VPS13B: variants seen among roughly 807,000 people sequenced by gnomAD.
The protein encoded by VPS13B is vacuolar protein sorting 13 homolog B.
A neutral mutation model predicts 426.4 loss-of-function variants in VPS13B; 285 were observed. That is an observed-to-expected ratio of 0.67 (90% CI 0.61 to 0.74). The LOEUF is 0.74. Among genes scored for constraint, VPS13B ranks in the 30% least tolerant of loss-of-function variants. The pLI is 0.00. For synonymous variants in VPS13B, 1,676 were observed against 1,676.4 expected (o/e 1.00, Z 0.01); for missense variants, 4,537 against 4,782.6 (o/e 0.95, Z 1.51).
chr8:99,335,137 A>C (rs1196875009), intron 19 of VPS13B, among the ~76,000 whole-genome samples: 2 of 151,972 alleles, frequency 1.3e-5, no homozygotes, highest in African/African-American at 4.8e-5. Flanking sequence ...TTTCTAGTTT[A>C]TTTGCGTAGA....
In VPS13B at chr8:99,871,635, A is replaced by C. The variant is rs566950539; in HGVS notation, c.11683A>C (p.Ser3895Arg). The C allele has an allele frequency of 1.2e-6, 2 of 1,614,092 alleles. No individual in the cohort carries two copies. Among genetic ancestry groups the C allele is most frequent in the African/African-American group, 2.7e-5 (2 of 74,946 alleles). The part of the protein sequence containing the change: ...PVTEIDCAQD[S>R]KQNNLLTVQL... ...CACAGAAATCGACTGTGCACAGGAC[A>C]GCAAGCAGAACAACTTACTCACAGT... The change falls in exon 61 of 62, where the codon AGC (serine) becomes CGC (arginine). Residue 3895 changes from serine (S) to arginine (R), a missense_variant. Around this residue, in one of 2 missense-constraint regions of VPS13B, gnomAD observed 4,311 missense variants for 4,474.3 expected, o/e 0.96. Coordinates refer to ENST00000357162, the MANE Select transcript of VPS13B (RefSeq NM_152564.5).
At chr8:99,370,605 C>CTTTT (rs1047111709) in intron 19 of VPS13B, among the ~76,000 whole-genome samples, 38 of 99,474 alleles carry the variant, frequency 3.8e-4, no homozygotes, top group Non-Finnish European at 4.3e-4. Flanking sequence ...GAGTGAAGGG[C>CTTTT]TTTTTTTTTT....
intron 35 of VPS13B, among the ~76,000 whole-genome samples, chr8:99,686,315 G>A (rs949352315): frequency 4.6e-5 from 7 of 152,088 alleles, no homozygotes; most frequent in Non-Finnish European, 7.4e-5. Flanking sequence ...AGTCATACCC[G>A]AAGCCAACAC....
chr8:99,503,007 C>T, intron 27 of VPS13B, 57 bp downstream of exon 27: 1 of 1,305,932 alleles, frequency 7.7e-7, no homozygotes, highest in South Asian at 1.2e-5. Flanking sequence ...ACAAAGTTAC[C>T]ATAAGACTTT....
intron 19 of VPS13B, among the ~76,000 whole-genome samples, chr8:99,360,118 TTATCTTTCTTTCTTTCTTTCTTTCTTTC>T (rs1812421570): frequency 8.9e-5 from 11 of 123,276 alleles, no homozygotes; most frequent in African/African-American, 2.3e-4. Context: ...TTTTTTTTCC[TTATCTTTCTTTCTTTCTTTCTTTCTTTC>T]TTTCTTTCTT....
At chr8:99,087,638 G>T (rs1389647821) in intron 3 of VPS13B, among the ~76,000 whole-genome samples, 3 of 148,192 alleles carry the variant, frequency 2.0e-5, no homozygotes, top group Non-Finnish European at 4.5e-5. Context: ...TTTATAGACT[G>T]GGTCTGTTTA....
intron 22 of VPS13B, among the ~76,000 whole-genome samples, chr8:99,433,429 A>C (rs1351165518): frequency 6.6e-6 from 1 of 152,212 alleles, no homozygotes; most frequent in Non-Finnish European, 1.5e-5. Flanking sequence ...CTTACATCTT[A>C]TTAGAAACAA....
chr8:99,463,820 G>A (rs1327389452), intron 23 of VPS13B, among the ~76,000 whole-genome samples: 1 of 152,058 alleles, frequency 6.6e-6, no homozygotes, highest in Non-Finnish European at 1.5e-5. Flanking sequence ...AGCCTCCCAA[G>A]TAGCTGGGAT....
At chr8:99,411,554 C>T (rs1264100449) in intron 21 of VPS13B, among the ~76,000 whole-genome samples, 1 of 152,186 alleles carries the variant, frequency 6.6e-6, no homozygotes, top group Non-Finnish European at 1.5e-5. Flanking sequence ...TGTGCAGAAG[C>T]TCTTTAGTTT....
At chr8:99,754,087 T>G (rs1588684848) in intron 39 of VPS13B, among the ~76,000 whole-genome samples, 1 of 82,618 alleles carries the variant, frequency 1.2e-5, no homozygotes, top group African/African-American at 3.3e-5. Context: ...GTATAAGGGT[T>G]TTTTTTTTTT....
intron 22 of VPS13B, among the ~76,000 whole-genome samples, chr8:99,436,819 A>C (rs563047355): frequency 1.0e-4 from 15 of 150,722 alleles, no homozygotes; most frequent in African/African-American, 3.7e-4. Flanking sequence ...GCTCACTGCA[A>C]GCTCCGCCTC....
chr8:99,234,110 G>A (rs1816508189), intron 17 of VPS13B: 1 of 784,668 alleles, frequency 1.3e-6, no homozygotes, highest in African/African-American at 1.7e-5. Flanking sequence ...CTTGCTCCCG[G>A]AAGAGTGGTC....
intron 43 of VPS13B, among the ~76,000 whole-genome samples, chr8:99,802,990 CATA>C (rs1166494529): frequency 6.6e-6 from 1 of 152,176 alleles, no homozygotes; most frequent in Non-Finnish European, 1.5e-5. Flanking sequence ...GTGCTTGACA[CATA>C]ATGTCTAATA....
At chr8:99,753,758 G>A (rs1459113466) in intron 39 of VPS13B, among the ~76,000 whole-genome samples, 1 of 151,948 alleles carries the variant, frequency 6.6e-6, no homozygotes, top group Non-Finnish European at 1.5e-5. Flanking sequence ...TATTTCTCAG[G>A]GCTCTTAAAT....
intron 25 of VPS13B, among the ~76,000 whole-genome samples, chr8:99,496,669 A>G (rs1052029764): frequency 1.3e-5 from 2 of 152,086 alleles, no homozygotes; most frequent in Non-Finnish European, 2.9e-5. Context: ...AAAAAGCACT[A>G]ACATTTTGAT....
intron 61 of VPS13B, among the ~76,000 whole-genome samples, chr8:99,872,470 G>C (rs1418875291): frequency 6.6e-6 from 1 of 152,102 alleles, no homozygotes; most frequent in Non-Finnish European, 1.5e-5. Flanking sequence ...ATGTGGAACA[G>C]ATGCGCAGGC....
At chr8:99,045,580 A>T (rs1220193477) in intron 3 of VPS13B, among the ~76,000 whole-genome samples, 4 of 151,778 alleles carry the variant, frequency 2.6e-5, no homozygotes, top group Non-Finnish European at 5.9e-5. Context: ...ATTTGTTTTT[A>T]TTGCATTTGC....
At chr8:99,492,120 C>T (rs932776896) in intron 25 of VPS13B, among the ~76,000 whole-genome samples, 2 of 152,180 alleles carry the variant, frequency 1.3e-5, no homozygotes. Flanking sequence ...CAGTCAGGCT[C>T]CTCAGCTGCA....
At chr8:99,600,572 G>T (rs143062337) in intron 33 of VPS13B, among the ~76,000 whole-genome samples, 2 of 152,128 alleles carry the variant, frequency 1.3e-5, no homozygotes, top group South Asian at 4.1e-4. Flanking sequence ...AGTGGCAGGT[G>T]GACTAGGCAG....
Sources: gnomAD v4.1 joint callset for allele counts (sites outside exome capture counted in the v4.1 genomes callset) on GRCh38, gnomAD v4.1.1 for gene constraint, gnomAD v4.1.1 regional missense constraint, MANE v1.5 for transcripts, NCBI Gene and HGNC (gene_info 2026-07-23, HGNC 2026-07-21) for gene names.